Variants in GHR observed in about 807,000 individuals in gnomAD.
GHR encodes the protein growth hormone receptor.
GHR carries 35 observed loss-of-function variants against 67.1 expected under a neutral mutation model. That is an observed-to-expected ratio of 0.52 (90% CI 0.40 to 0.69). The LOEUF (loss-of-function observed/expected upper bound fraction) is 0.69. Ranked by LOEUF, GHR falls within the 30% of genes least tolerant of loss-of-function variation. GHR has a pLI of 0.00. For synonymous variants in GHR, 272 were observed against 269.1 expected (o/e 1.01, Z -0.10); for missense variants, 792 against 764.6 (o/e 1.04, Z -0.42).
intron 2 of GHR, among the ~76,000 whole-genome samples, chr5:42,580,428 T>A (rs986338294): frequency 6.6e-6 from 1 of 152,086 alleles, no homozygotes; most frequent in Non-Finnish European, 1.5e-5. Flanking sequence ...TTTTATAAGG[T>A]GGAAAGAGCT....
chr5:42,640,688 GA>G (rs542839190), intron 3 of GHR, among the ~76,000 whole-genome samples: 1 of 150,818 alleles, frequency 6.6e-6, no homozygotes, highest in Non-Finnish European at 1.5e-5. Context: ...GCCAAATTTG[GA>G]AAAAAAATAA....
At chr5:42,559,740 C>T (rs556846436) in intron 1 of GHR, among the ~76,000 whole-genome samples, 3 of 152,258 alleles carry the variant, frequency 2.0e-5, no homozygotes, top group Admixed American at 6.5e-5. Flanking sequence ...TGTCTGTGAG[C>T]TTTTTCTTCC....
At chr5:42,630,322 A>G (rs1337588782) in intron 3 of GHR, among the ~76,000 whole-genome samples, 2 of 132,196 alleles carry the variant, frequency 1.5e-5, no homozygotes, top group Non-Finnish European at 3.2e-5. Flanking sequence ...GATATTTTTC[A>G]TCAGTGGAAG....
chr5:42,445,967 C>G (rs1743790816), intron 1 of GHR, among the ~76,000 whole-genome samples: 1 of 152,164 alleles, frequency 6.6e-6, no homozygotes, highest in South Asian at 2.1e-4. Flanking sequence ...TATTAACAGG[C>G]TCACTGTAGA....
intron 3 of GHR, among the ~76,000 whole-genome samples, chr5:42,646,619 A>G (rs565870521): frequency 4.6e-5 from 7 of 152,270 alleles, no homozygotes; most frequent in African/African-American, 1.7e-4. Context: ...AAGGGAATGA[A>G]TGGTTCTGCA....
intron 3 of GHR, among the ~76,000 whole-genome samples, chr5:42,686,787 T>G (rs1757169923): frequency 1.3e-5 from 2 of 152,184 alleles, no homozygotes; most frequent in Admixed American, 1.3e-4. Context: ...ATGCCCTCTC[T>G]CACCATTCCT....
chr5:42,641,061 C>T (rs1487664401), intron 3 of GHR, among the ~76,000 whole-genome samples: 1 of 152,102 alleles, frequency 6.6e-6, no homozygotes, highest in Non-Finnish European at 1.5e-5. Context: ...TCAGGGCTGC[C>T]CTTAGTCATG....
chr5:42,588,526 C>CAAAAAAAAAAAAAAAAAAAAAAAAAA lies in GHR; in HGVS notation c.70+22607_70+22608insAAAAAAAAAAAAAAAAAAAAAAAAAA, dbSNP rs10716908. Among the ~76,000 whole-genome samples, 14 of 45,120 alleles carry CAAAAAAAAAAAAAAAAAAAAAAAAAA rather than the reference C, an allele frequency of 3.1e-4. 1 individual carries two copies. Among genetic ancestry groups the CAAAAAAAAAAAAAAAAAAAAAAAAAA allele is most frequent in the East Asian group, 6.4e-4 (1 of 1,564 alleles). 29.6% of individuals were successfully genotyped at this position (45,120 alleles called of 152,430 possible). A position where few individuals can be genotyped will look rare whatever the true frequency, so the allele number is the denominator to read the frequency against. On this transcript the variant is annotated intron_variant, in intron 2 of 9. Coordinates refer to ENST00000230882, the MANE Select transcript of GHR (RefSeq NM_000163.5). ...GGGCAGCAAAAGCGAAACTCCATCT[C>CAAAAAAAAAAAAAAAAAAAAAAAAAA]AAAAAAAAAAAAAAAAAAAAAAAAA...
intron 4 of GHR, among the ~76,000 whole-genome samples, chr5:42,691,597 G>T (rs1019487659): frequency 1.3e-5 from 2 of 152,198 alleles, no homozygotes; most frequent in African/African-American, 4.8e-5. Flanking sequence ...ACTCTGAGAT[G>T]ATTTTATCCA....
In GHR at chr5:42,534,954, T is replaced by C. The variant is rs1339234208; in HGVS notation, c.-11-30910T>C. On this transcript the variant is annotated intron_variant, in intron 1 of 9. Coordinates refer to ENST00000230882, the MANE Select transcript of GHR (RefSeq NM_000163.5). ...TTTTCACATATTTCTTGGCCATTTGTATATCTTCTTTTGAGAATTGCCTTA... is the reference window on the plus strand; with the variant it reads ...TTTTCACATATTTCTTGGCCATTTGCATATCTTCTTTTGAGAATTGCCTTA... 2.0e-5 allele frequency among the ~76,000 whole-genome samples: 3 copies of C among 152,100 alleles called. No homozygotes were observed. In the South Asian group the frequency reaches 6.2e-4, roughly 32 times the overall value.
chr5:42,658,597 A>G (rs990079918), intron 3 of GHR, among the ~76,000 whole-genome samples: 2 of 152,226 alleles, frequency 1.3e-5, no homozygotes, highest in Non-Finnish European at 2.9e-5. Flanking sequence ...TGAGCTTTAT[A>G]AAGTGAATTA....
At chr5:42,615,014 T>C (rs938803651) in intron 2 of GHR, among the ~76,000 whole-genome samples, 4 of 152,066 alleles carry the variant, frequency 2.6e-5, no homozygotes, top group Admixed American at 2.0e-4. Context: ...CAGTGATGGC[T>C]GAAATTGAAT....
chr5:42,684,594 C>G (rs1757046272), intron 3 of GHR, among the ~76,000 whole-genome samples: 1 of 152,102 alleles, frequency 6.6e-6, no homozygotes. Context: ...TCATTTGTAA[C>G]AGATAATGTG....
intron 3 of GHR, among the ~76,000 whole-genome samples, chr5:42,674,572 T>C (rs1455662241): frequency 6.6e-6 from 1 of 152,210 alleles, no homozygotes; most frequent in Non-Finnish European, 1.5e-5. Context: ...TATGTGACTA[T>C]TCTTAACATT....
intron 1 of GHR, chr5:42,465,834 G>A (rs763542754): frequency 1.3e-6 from 1 of 766,656 alleles, no homozygotes; most frequent in Non-Finnish European, 2.4e-6. Context: ...CCTTGAATAG[G>A]TCGGTCAATA....
intron 1 of GHR, among the ~76,000 whole-genome samples, chr5:42,511,779 T>C (rs898536014): frequency 6.6e-6 from 1 of 152,200 alleles, no homozygotes; most frequent in Non-Finnish European, 1.5e-5. Flanking sequence ...CAGAGTTTCA[T>C]GCTGTTCACA....
chr5:42,589,728 T>A (rs1751675271), intron 2 of GHR, among the ~76,000 whole-genome samples: 1 of 152,232 alleles, frequency 6.6e-6, no homozygotes, highest in East Asian at 1.9e-4. Context: ...CAGGTTTCCA[T>A]GCATGATGCT....
intron 1 of GHR, among the ~76,000 whole-genome samples, chr5:42,459,169 G>A (rs1241085715): frequency 2.6e-5 from 4 of 152,176 alleles, no homozygotes; most frequent in South Asian, 2.1e-4. Context: ...AAACCCAAAG[G>A]AATATAAATC....
intron 6 of GHR, among the ~76,000 whole-genome samples, chr5:42,702,062 G>A (rs1423000531): frequency 6.6e-6 from 1 of 151,702 alleles, no homozygotes; most frequent in Non-Finnish European, 1.5e-5. Flanking sequence ...TTTGTGTGTT[G>A]AGAACACTTA....
Sources: gnomAD v4.1 joint callset for allele counts (sites outside exome capture counted in the v4.1 genomes callset) on GRCh38, gnomAD v4.1.1 for gene constraint, MANE v1.5 for transcripts, NCBI Gene and HGNC (gene_info 2026-07-23, HGNC 2026-07-21) for gene names.